Variants in ITPKB observed in about 807,000 individuals in gnomAD.
ITPKB encodes the protein IP3 3-kinase B.
A neutral mutation model predicts 69.4 loss-of-function variants in ITPKB; 13 were observed. The observed-to-expected ratio is 0.19, with a 90% CI of 0.12 to 0.30. The LOEUF (loss-of-function observed/expected upper bound fraction) is 0.30. Among genes scored for constraint, ITPKB ranks in the 10% least tolerant of loss-of-function variants. ITPKB has a pLI of 1.00. For missense variants in ITPKB, 1,240 were observed against 1,250.5 expected (o/e 0.99, Z 0.13); for synonymous variants, 584 against 513.7 (o/e 1.14, Z -1.85).
At chr1:226,679,273 T>C (rs900795992) in intron 2 of ITPKB, among the ~76,000 whole-genome samples, 4 of 152,244 alleles carry the variant, frequency 2.6e-5, no homozygotes, top group Non-Finnish European at 5.9e-5. Context: ...CTGTCTCCCC[T>C]CTTCCCTTTT....
chr1:226,659,491 G>A (rs1669360822), intron 2 of ITPKB: 1 of 152,356 alleles, frequency 6.6e-6, no homozygotes, highest in Non-Finnish European at 1.5e-5. Context: ...TGCTGTGCAG[G>A]TGCTCTGCCC....
At chr1:226,727,618 G>T (rs1219645382) in intron 2 of ITPKB, among the ~76,000 whole-genome samples, 1 of 152,132 alleles carries the variant, frequency 6.6e-6, no homozygotes, top group Non-Finnish European at 1.5e-5. Flanking sequence ...TTTAATGGAT[G>T]GGGGCAGGGA....
chr1:226,699,131 G>A (rs916448171), intron 2 of ITPKB, among the ~76,000 whole-genome samples: 2 of 152,210 alleles, frequency 1.3e-5, no homozygotes, highest in Non-Finnish European at 2.9e-5. Context: ...GTCCTATCAG[G>A]CCAACTGAGA....
At chr1:226,666,865 AC>A (rs1446312252) in intron 2 of ITPKB, among the ~76,000 whole-genome samples, 3 of 152,034 alleles carry the variant, frequency 2.0e-5, no homozygotes, top group Admixed American at 6.5e-5. Flanking sequence ...AAGACCACAG[AC>A]CACACATGGA....
intron 2 of ITPKB, among the ~76,000 whole-genome samples, chr1:226,658,026 A>C (rs919256311): frequency 5.3e-5 from 8 of 152,220 alleles, no homozygotes; most frequent in African/African-American, 1.9e-4. Flanking sequence ...AAGCGTCGAA[A>C]GTGGATGAAG....
intron 2 of ITPKB, among the ~76,000 whole-genome samples, chr1:226,695,944 G>T (rs1656474380): frequency 6.6e-6 from 1 of 152,198 alleles, no homozygotes; most frequent in Non-Finnish European, 1.5e-5. Flanking sequence ...GCAAAGGGAA[G>T]AGGATAAGAA....
chr1:226,635,604 A>G (rs920059155), intron 7 of ITPKB, among the ~76,000 whole-genome samples: 37 of 152,120 alleles, frequency 2.4e-4, no homozygotes, highest in African/African-American at 8.0e-4. Flanking sequence ...ACTCCTCCCA[A>G]ACACTCTGCA....
chr1:226,672,934 C>T (rs1295406774), intron 2 of ITPKB, among the ~76,000 whole-genome samples: 1 of 152,196 alleles, frequency 6.6e-6, no homozygotes, highest in Non-Finnish European at 1.5e-5. Flanking sequence ...TTCTGTACCC[C>T]AATTCCAGTA....
At chr1:226,711,832 A>G (rs747517152) in intron 2 of ITPKB, among the ~76,000 whole-genome samples, 50 of 152,082 alleles carry the variant, frequency 3.3e-4, no homozygotes, top group Non-Finnish European at 5.9e-4. Flanking sequence ...TTAAAAGGCA[A>G]AAGGGGGAAG....
intron 2 of ITPKB, among the ~76,000 whole-genome samples, chr1:226,731,816 A>G (rs1657596083): frequency 1.3e-5 from 2 of 152,298 alleles, no homozygotes; most frequent in South Asian, 4.1e-4. Flanking sequence ...AGGGTACCCC[A>G]TCTTCAGAAA....
At chr1:226,658,035 A>G (rs1265101619) in intron 2 of ITPKB, among the ~76,000 whole-genome samples, 1 of 152,252 alleles carries the variant, frequency 6.6e-6, no homozygotes, top group African/African-American at 2.4e-5. Flanking sequence ...AAGTGGATGA[A>G]GAACGCCCCT....
chr1:226,680,168 A>G (rs929973362), intron 2 of ITPKB, among the ~76,000 whole-genome samples: 7 of 152,180 alleles, frequency 4.6e-5, no homozygotes. Flanking sequence ...CCCAGAACTG[A>G]GCCTCCAGGC....
chr1:226,633,405 A>G lies in ITPKB; in HGVS notation c.*1266T>C, dbSNP rs1025155335. ...CACAGAGCTGGGGGTTTTGTTCTTAAGAAGTCAGGCAAATTTTACATTCCC... is the reference window on the plus strand; with the variant it reads ...CACAGAGCTGGGGGTTTTGTTCTTAGGAAGTCAGGCAAATTTTACATTCCC... On this transcript the variant is annotated 3_prime_UTR_variant, in exon 8 of 8. Coordinates refer to ENST00000429204, the MANE Select transcript of ITPKB (RefSeq NM_002221.4). 1 of 152,250 alleles carries G rather than the reference A, an allele frequency of 6.6e-6. No individual in the cohort carries two copies. Among genetic ancestry groups the G allele is most frequent in the African/African-American group, 2.4e-5 (1 of 41,454 alleles). 9.4% of individuals were successfully genotyped at this position (152,250 alleles called of 1,614,324 possible). A position where few individuals can be genotyped will look rare whatever the true frequency, so the allele number is the denominator to read the frequency against.
At chr1:226,686,420 G>A (rs1354095936) in intron 2 of ITPKB, among the ~76,000 whole-genome samples, 1 of 152,218 alleles carries the variant, frequency 6.6e-6, no homozygotes, top group Non-Finnish European at 1.5e-5. Flanking sequence ...GTTCCCAGGA[G>A]CATTTCTTGT....
intron 2 of ITPKB, among the ~76,000 whole-genome samples, chr1:226,719,924 C>G (rs1040631317): frequency 1.3e-5 from 2 of 152,226 alleles, no homozygotes; most frequent in Non-Finnish European, 2.9e-5. Flanking sequence ...GAGTGAGTGC[C>G]TTGGGGTGCT....
intron 2 of ITPKB, among the ~76,000 whole-genome samples, chr1:226,686,431 T>G (rs1656217946): frequency 6.6e-6 from 1 of 152,220 alleles, no homozygotes; most frequent in African/African-American, 2.4e-5. Context: ...CATTTCTTGT[T>G]AAGTGTCAAG....
At position 226,736,251 on chromosome 1, in the gene ITPKB, G is replaced by A; in HGVS notation, c.1208C>T (p.Ala403Val). 4 of 1,563,004 alleles carry A rather than the reference G, an allele frequency of 2.6e-6. No homozygotes were observed. The highest frequency in any genetic ancestry group is 3.5e-6 in the Non-Finnish European group (4 of 1,157,198). ...CCAGCTCAGGGAATCAGAGGACTCT[G>A]CGCTTTGCACGCTCACAGTCGTCTC... Reference protein sequence around the residue: ...PEETTVSVQSAESSDSLSWSR... With the variant: ...PEETTVSVQSVESSDSLSWSR... The change falls in exon 2 of 8, where the codon GCA becomes GTA. Residue 403 changes from alanine (A) to valine (V), a missense_variant. This residue lies in a region of ITPKB where 992 missense variants were observed against 853.8 expected (regional missense o/e 1.16). Coordinates refer to ENST00000429204, the MANE Select transcript of ITPKB (RefSeq NM_002221.4).
intron 2 of ITPKB, among the ~76,000 whole-genome samples, chr1:226,674,611 GGAGT>G: frequency 6.6e-6 from 1 of 152,252 alleles, no homozygotes; most frequent in Non-Finnish European, 1.5e-5. Context: ...TGGGATTAAA[GGAGT>G]GAGCCACCAC....
In ITPKB at chr1:226,669,589, C is replaced by T. The variant is rs571067827; in HGVS notation, c.1933-20818G>A. Among the ~76,000 whole-genome samples the T allele has an allele frequency of 1.4e-4, 21 of 152,202 alleles. No homozygotes were observed. In the South Asian group the frequency reaches 4.1e-3, roughly 30 times the overall value. On this transcript the variant is annotated intron_variant, in intron 2 of 7. Transcript: ENST00000429204. ...TCTAGGTAAATAACAGAGAAAATTA[C>T]CAAGAACTATGACTATCCAAAACGT...
Sources: gnomAD v4.1 joint callset for allele counts (sites outside exome capture counted in the v4.1 genomes callset) on GRCh38, gnomAD v4.1.1 for gene constraint, gnomAD v4.1.1 regional missense constraint, MANE v1.5 for transcripts, NCBI Gene and HGNC (gene_info 2026-07-23, HGNC 2026-07-21) for gene names.